The following HEATR5A variants were observed in gnomAD, a reference collection of about 807,000 sequenced individuals.
The protein encoded by HEATR5A is HEAT repeat-containing protein 5A.
HEATR5A carries 178 observed loss-of-function variants against 218.8 expected under a neutral mutation model. The observed-to-expected ratio is 0.81, with a 90% CI of 0.72 to 0.92. The LOEUF (loss-of-function observed/expected upper bound fraction) is 0.92. HEATR5A is among the 40% of genes least tolerant of loss of function. HEATR5A has a pLI of 0.00. For synonymous variants in HEATR5A, 864 were observed against 871.6 expected, an observed-to-expected ratio of 0.99 and a Z score of 0.15; for missense variants, 2,420 against 2,418.9, an observed-to-expected ratio of 1.00 and a Z score of -0.01.
intron 26 of HEATR5A, among the ~76,000 whole-genome samples, chr14:31,317,294 A>ATTTTT (rs35394095): frequency 3.1e-5 from 2 of 64,120 alleles, no homozygotes; most frequent in African/African-American, 6.4e-5. Context: ...CCCGGGCTAG[A>ATTTTT]TTTTTTTTTT....
At chr14:31,320,914 C>T (rs1352193015) in intron 25 of HEATR5A, among the ~76,000 whole-genome samples, 1 of 152,068 alleles carries the variant, frequency 6.6e-6, no homozygotes, top group African/African-American at 2.4e-5. Flanking sequence ...TTTGCTTTTA[C>T]TTGAAGCTTT....
At chr14:31,418,377 C>T (rs2031525447) in intron 1 of HEATR5A, among the ~76,000 whole-genome samples, 1 of 152,194 alleles carries the variant, frequency 6.6e-6, no homozygotes, top group Non-Finnish European at 1.5e-5. Flanking sequence ...GCCATACGGT[C>T]TCTATCACAA....
chr14:31,310,902 T>C lies in HEATR5A; in HGVS notation c.4442-1720A>G, dbSNP rs572143906. Among the ~76,000 whole-genome samples the C allele has an allele frequency of 2.1e-3, 320 of 152,190 alleles. 1 individual carries two copies. Among genetic ancestry groups the C allele is most frequent in the African/African-American group, 7.3e-3 (302 of 41,536 alleles). ...CCATAGTGTACACCATAGTCCCAGATGCTTAGGAGGGTGAGGTGGCAGGAT... is the reference window on the plus strand; with the variant it reads ...CCATAGTGTACACCATAGTCCCAGACGCTTAGGAGGGTGAGGTGGCAGGAT... On this transcript the variant is annotated intron_variant, in intron 28 of 35. Transcript: ENST00000543095.
chr14:31,322,229 T>C (rs896527181), intron 24 of HEATR5A, among the ~76,000 whole-genome samples: 4 of 152,210 alleles, frequency 2.6e-5, no homozygotes, highest in African/African-American at 7.2e-5. Flanking sequence ...ACACATTGTT[T>C]GGTATAACAT....
intron 13 of HEATR5A, among the ~76,000 whole-genome samples, chr14:31,365,725 C>T (rs147943697): frequency 7.9e-5 from 12 of 151,734 alleles, no homozygotes; most frequent in East Asian, 7.8e-4. Flanking sequence ...ATTGTAGTGG[C>T]GTGATCTCAG....
chr14:31,293,677 C>T (rs1227613691), intron 35 of HEATR5A, 65 bp from the exon 36 acceptor site: 31 of 1,402,072 alleles, frequency 2.2e-5, no homozygotes, highest in South Asian at 8.6e-5. Flanking sequence ...CCTGCAAATG[C>T]ACTTGATCTG....
intron 28 of HEATR5A, among the ~76,000 whole-genome samples, chr14:31,311,658 A>T (rs1259399600): frequency 6.6e-6 from 1 of 151,920 alleles, no homozygotes; most frequent in Non-Finnish European, 1.5e-5. Flanking sequence ...ACCACAAACG[A>T]ATAGTGTTGT....
rs748956599 is a variant in HEATR5A, at chr14:31,309,072, C to T, written c.4552G>A (p.Val1518Ile). Residue 1518 changes from valine (V) to isoleucine (I), a missense_variant, in exon 29 of 36, where the codon GTT becomes ATT. Physicochemically the swap from Val to Ile is conservative, Grantham distance 29. Transcript: ENST00000543095. ...GCTCCTTCATCTGGGTCAGCAACAACAAAACCCGTGCTTGTAAGCCACAAT... is the reference window on the plus strand; with the variant it reads ...GCTCCTTCATCTGGGTCAGCAACAATAAAACCCGTGCTTGTAAGCCACAAT... ...TALWLTSTGF[V>I]VADPDEGASN... is the part of the protein sequence containing the mutation. 4.3e-6 allele frequency: 7 copies of T among 1,613,818 alleles called. No homozygotes were observed. The East Asian group carries it at 1.1e-4, about 26-fold the overall frequency.
intron 28 of HEATR5A, among the ~76,000 whole-genome samples, chr14:31,312,632 C>T (rs554937980): frequency 3.3e-5 from 5 of 152,176 alleles, no homozygotes; most frequent in Middle Eastern, 3.4e-3. Context: ...ATGCTGGTCT[C>T]GAACTCAGGA....
At chr14:31,370,985 G>T (rs192633330) in intron 13 of HEATR5A, among the ~76,000 whole-genome samples, 2 of 152,212 alleles carry the variant, frequency 1.3e-5, no homozygotes, top group Admixed American at 6.5e-5. Context: ...GTGCTGGAGA[G>T]GGGCACACAG....
Position 31,306,746 on chromosome 14 carries a change from CT to C in HEATR5A, c.4951del (p.Arg1651AspfsTer46). On this transcript the variant is annotated frameshift_variant, in exon 31 of 36. Coordinates refer to ENST00000543095, the MANE Select transcript of HEATR5A (RefSeq NM_015473.4). LOFTEE classifies it high-confidence loss of function. Reference sequence around the variant, plus strand: ...TTAACATTTACCTTCTGCACTTCGTCTTTTTTCCTTCACATGTTCTTGAGCA... The same window carrying C: ...TTAACATTTACCTTCTGCACTTCGTCTTTTTCCTTCACATGTTCTTGAGCA... ...CAAQEHVKEK[R>X]RSAEVDDGAA... 2 of 1,610,004 alleles carry C rather than the reference CT, an allele frequency of 1.2e-6. No individual in the cohort carries two copies. Among genetic ancestry groups the C allele is most frequent in the Admixed American group, 1.7e-5 (1 of 59,372 alleles).
intron 3 of HEATR5A, among the ~76,000 whole-genome samples, chr14:31,399,744 C>T (rs1043680074): frequency 1.3e-5 from 2 of 152,078 alleles, no homozygotes; most frequent in Admixed American, 6.6e-5. Flanking sequence ...ACAGGGGAAT[C>T]GCTCGAACCC....
At chr14:31,326,471 G>A (rs1900269487) in intron 22 of HEATR5A, 129 bp from the exon 23 acceptor site, 2 of 673,294 alleles carry the variant, frequency 3.0e-6, no homozygotes, top group East Asian at 5.4e-5. Context: ...CAAATACTGT[G>A]CTTTAATCTA....
rs761999701 is a variant in HEATR5A, at chr14:31,345,225, A to ATGT, written c.2919_2920insACA (p.Leu973_Tyr974insThr). The ATGT allele has an allele frequency of 1.3e-3, 2,106 of 1,613,386 alleles. 6 individuals carry two copies. The highest frequency in any genetic ancestry group is 1.6e-3 in the Non-Finnish European group (1,858 of 1,179,532). On this transcript the variant is annotated inframe_insertion, in exon 20 of 36. Transcript: ENST00000543095. The stretch of plus-strand genomic sequence containing the variant: ...AGGGTAGGTTCCACATGCACATAAT[A>ATGT]GAGTGGGCCAGCAGAATCAATGATC...
At chr14:31,337,022 C>T (rs1900693693) in intron 22 of HEATR5A, among the ~76,000 whole-genome samples, 1 of 152,172 alleles carries the variant, frequency 6.6e-6, no homozygotes, top group South Asian at 2.1e-4. Flanking sequence ...CAATGGTAAA[C>T]ATTTGTGTAT....
At chr14:31,394,254 T>C in intron 5 of HEATR5A, 28 bp from the exon 6 acceptor site, 2 of 1,388,156 alleles carry the variant, frequency 1.4e-6, no homozygotes, top group South Asian at 3.0e-5. Context: ...GAGAAATTAA[T>C]GAAAAATAAA....
rs1314699146 is a variant in HEATR5A at position 31,349,951 on chromosome 14, C to T, written c.2546G>A (p.Gly849Asp). 6.3e-7 allele frequency: 1 copy of T among 1,593,676 alleles called. No individual in the cohort carries two copies. Among genetic ancestry groups the T allele is most frequent in the East Asian group, 2.3e-5 (1 of 44,412 alleles). ...GGCAAATCTTTTCATTTCTTCTGGA[C>T]CTAAACATCCCTTGGAGCCAGCCAC... The part of the protein sequence containing the change: ...KYVAGSKGCL[G>D]PEEMKRFALT... The change falls in exon 18 of 36, where the codon GGT (glycine) becomes GAT (aspartate). Residue 849 changes from glycine (G) to aspartate (D), a missense_variant. Gly to Asp is a moderately conservative substitution (Grantham distance 94, BLOSUM62 -1). Transcript: ENST00000543095.
At chr14:31,383,214 T>C (rs1279270865) in intron 10 of HEATR5A, among the ~76,000 whole-genome samples, 1 of 152,232 alleles carries the variant, frequency 6.6e-6, no homozygotes, top group African/African-American at 2.4e-5. Flanking sequence ...TTTCTACTTA[T>C]ATTGAAAACC....
At chr14:31,325,254 C>T (rs1054705651) in intron 23 of HEATR5A, among the ~76,000 whole-genome samples, 1 of 152,108 alleles carries the variant, frequency 6.6e-6, no homozygotes, top group Admixed American at 6.6e-5. Flanking sequence ...TATTTTCTCT[C>T]TTACTCCAAG....
Sources: gnomAD v4.1 joint callset for allele counts (sites outside exome capture counted in the v4.1 genomes callset) on GRCh38, gnomAD v4.1.1 for gene constraint, MANE v1.5 for transcripts, NCBI Gene and HGNC (gene_info 2026-07-23, HGNC 2026-07-21) for gene names.